KCNQ1: variants seen among roughly 807,000 people sequenced by gnomAD.
KCNQ1 encodes the protein potassium voltage-gated channel subfamily Q member 1.
In KCNQ1, 49 loss-of-function variants were observed where a neutral mutation model predicts 72.4. The observed-to-expected ratio is 0.68, with a 90% CI of 0.54 to 0.86. KCNQ1 has a LOEUF of 0.86. Ranked by LOEUF, KCNQ1 falls within the 40% of genes least tolerant of loss-of-function variation. The pLI is 0.00. For missense variants in KCNQ1, 790 were observed against 945.1 expected (o/e 0.84, Z 2.15); for synonymous variants, 450 against 412.6 (o/e 1.09, Z -1.10).
At chr11:2,833,308 A>G (rs937232805) in intron 15 of KCNQ1, among the ~76,000 whole-genome samples, 3 of 152,178 alleles carry the variant, frequency 2.0e-5, no homozygotes, top group African/African-American at 7.2e-5. Context: ...CAGGGCAGCC[A>G]AGCCGGGCCA....
chr11:2,492,741 T>A lies in KCNQ1; in HGVS notation c.387-35187T>A, dbSNP rs1846856418. 6.6e-6 allele frequency among the ~76,000 whole-genome samples: 1 copy of A among 152,234 alleles called. No homozygotes were observed. Among genetic ancestry groups the A allele is most frequent in the Non-Finnish European group, 1.5e-5 (1 of 68,038 alleles). On this transcript the variant is annotated intron_variant, in intron 1 of 15. Coordinates refer to ENST00000155840, the MANE Select transcript of KCNQ1 (RefSeq NM_000218.3). This position sits in a 1 kb window ranked among gnomAD's most constrained non-coding sequence, Gnocchi z 4.1. ...GTGTATATGTGCCACATTTTCTTTA[T>A]CCAGCCTATCATTGATGGGCATTTG...
At chr11:2,744,153 A>G (rs1473882998) in intron 11 of KCNQ1, among the ~76,000 whole-genome samples, 1 of 152,224 alleles carries the variant, frequency 6.6e-6, no homozygotes, top group African/African-American at 2.4e-5. Context: ...TAAAAAGTCA[A>G]ACTTAAAAAG....
At chr11:2,629,893 T>A (rs1376777394) in intron 10 of KCNQ1, 1 of 398,116 alleles carries the variant, frequency 2.5e-6, no homozygotes, top group Non-Finnish European at 4.4e-6. Flanking sequence ...CTTCCTTCTT[T>A]CTGATTTGAG....
At chr11:2,839,345 T>A (rs988230921) in intron 15 of KCNQ1, among the ~76,000 whole-genome samples, 7 of 152,184 alleles carry the variant, frequency 4.6e-5, no homozygotes, top group African/African-American at 1.7e-4. Flanking sequence ...ATGACCTCTG[T>A]CCCCACCCTG....
chr11:2,634,246 T>C, intron 10 of KCNQ1: 1 of 385,844 alleles, frequency 2.6e-6, no homozygotes. Flanking sequence ...TGTATACATG[T>C]GCCATGTTGG....
chr11:2,834,893 G>T (rs1234650400), intron 15 of KCNQ1, among the ~76,000 whole-genome samples: 1 of 152,208 alleles, frequency 6.6e-6, no homozygotes, highest in African/African-American at 2.4e-5. Flanking sequence ...GGCTCCTGCA[G>T]ATGCCAGGAA....
At chr11:2,718,033 T>C (rs1159321924) in intron 11 of KCNQ1, among the ~76,000 whole-genome samples, 2 of 152,216 alleles carry the variant, frequency 1.3e-5, no homozygotes, top group African/African-American at 4.8e-5. Flanking sequence ...GTTTTGTTGA[T>C]GGGTGTAGTC....
chr11:2,586,717 A>C (rs1848597253), intron 8 of KCNQ1, among the ~76,000 whole-genome samples: 1 of 152,040 alleles, frequency 6.6e-6, no homozygotes, highest in African/African-American at 2.4e-5. Flanking sequence ...TGGGTGCTGG[A>C]TGGGAGTGAG....
chr11:2,817,201 C>T lies in KCNQ1; in HGVS notation c.1795-30566C>T, dbSNP rs1244024745. On this transcript the variant is annotated intron_variant, in intron 15 of 15. Transcript: ENST00000155840. This position sits in a 1 kb window ranked among gnomAD's most constrained non-coding sequence, Gnocchi z 6.1. ...TTAACGGTGCAAGCTCCTCACGGCA[C>T]CAGTGCGCTTGCCTTTGACATGAAA... 6.6e-6 allele frequency among the ~76,000 whole-genome samples: 1 copy of T among 152,360 alleles called. No individual in the cohort carries two copies. Among genetic ancestry groups the T allele is most frequent in the African/African-American group, 2.4e-5 (1 of 41,592 alleles).
In KCNQ1 at chr11:2,837,016, ACCCCAGCCGCAGAGAG is replaced by A. The variant is rs564408110; in HGVS notation, c.1795-10747_1795-10732del. Among the ~76,000 whole-genome samples, 10 of 152,126 alleles carry A rather than the reference ACCCCAGCCGCAGAGAG, an allele frequency of 6.6e-5. No homozygotes were observed. In the East Asian group the frequency reaches 1.9e-3, roughly 29 times the overall value. On this transcript the variant is annotated intron_variant, in intron 15 of 15. Transcript: ENST00000155840. Reference sequence around the variant, plus strand: ...ACAGAAAGGGTTCAGGAAGACAAGCACCCCAGCCGCAGAGAGCCCGTGGGCTGGGGGCACGGGGCAT... The same window carrying A: ...ACAGAAAGGGTTCAGGAAGACAAGCACCCGTGGGCTGGGGGCACGGGGCAT...
rs1564788327 is a variant in KCNQ1 at position 2,464,341 on chromosome 11, TA to T, written c.386+18862del. 6.6e-6 allele frequency among the ~76,000 whole-genome samples: 1 copy of T among 152,228 alleles called. No individual in the cohort carries two copies. Among genetic ancestry groups the T allele is most frequent in the Non-Finnish European group, 1.5e-5 (1 of 68,042 alleles). ...TTCTAATTAAAAATATATTGCTTTTTAAAAATAATAAAAGATCATTTAAATT... is the reference window on the plus strand; with the variant it reads ...TTCTAATTAAAAATATATTGCTTTTTAAAATAATAAAAGATCATTTAAATT... On this transcript the variant is annotated intron_variant, in intron 1 of 15. Transcript: ENST00000155840. The surrounding 1 kb of genome is among the most constrained non-coding windows in gnomAD (Gnocchi z 5.0).
At position 2,827,675 on chromosome 11, in the gene KCNQ1, T is replaced by C. The variant is rs1475979654; in HGVS notation, c.1795-20092T>C. On this transcript the variant is annotated intron_variant, in intron 15 of 15. Transcript: ENST00000155840. This position sits in a 1 kb window ranked among gnomAD's most constrained non-coding sequence, Gnocchi z 6.7. The stretch of plus-strand genomic sequence containing the variant: ...GGGGGAGAGCGGCTATGGAGACAAG[T>C]GGCTGTTTTGCCAGAGGGAAAATTC... 6.6e-6 allele frequency among the ~76,000 whole-genome samples: 1 copy of C among 150,406 alleles called. No individual in the cohort carries two copies. The highest frequency in any genetic ancestry group is 1.5e-5 in the Non-Finnish European group (1 of 67,744).
chr11:2,703,522 G>T lies in KCNQ1; in HGVS notation c.1514+41441G>T, dbSNP rs892664389. On this transcript the variant is annotated intron_variant, in intron 11 of 15. Transcript: ENST00000155840. This position sits in a 1 kb window ranked among gnomAD's most constrained non-coding sequence, Gnocchi z 6.4. ...GCACACACGCACTCACAGCTGAAGA[G>T]AATTAGGCTCAAAACGTCCACTCGG... is the stretch of plus-strand genomic sequence containing the variant. 1.3e-5 allele frequency among the ~76,000 whole-genome samples: 2 copies of T among 152,222 alleles called. No homozygotes were observed. The highest frequency in any genetic ancestry group is 4.8e-5 in the African/African-American group (2 of 41,466).
In KCNQ1 at chr11:2,785,059, T is replaced by G. The variant is rs142137000; in HGVS notation, c.1794+7022T>G. ...ACTGGCTTGAACTTCAAAAAAAATA[T>G]TGACTAGAAGTGCTAGAGCAGATCT... On this transcript the variant is annotated intron_variant, in intron 15 of 15. Coordinates refer to ENST00000155840, the MANE Select transcript of KCNQ1 (RefSeq NM_000218.3). The surrounding 1 kb of genome is among the most constrained non-coding windows in gnomAD (Gnocchi z 4.4). Among the ~76,000 whole-genome samples, 2 of 152,046 alleles carry G rather than the reference T, an allele frequency of 1.3e-5. No homozygotes were observed. The highest frequency in any genetic ancestry group is 4.1e-4 in the South Asian group (2 of 4,836).
chr11:2,844,960 G>A (rs1220401853), intron 15 of KCNQ1, among the ~76,000 whole-genome samples: 2 of 152,186 alleles, frequency 1.3e-5, no homozygotes, highest in Non-Finnish European at 2.9e-5. Context: ...TGAGCCCTAG[G>A]ACACAAGCCC....
intron 1 of KCNQ1, among the ~76,000 whole-genome samples, chr11:2,490,288 C>T (rs1353734365): frequency 6.6e-6 from 1 of 152,236 alleles, no homozygotes; most frequent in Non-Finnish European, 1.5e-5. Flanking sequence ...TTTCTAAGGT[C>T]TTTGACTACA....
chr11:2,466,034 G>A (rs1445771263), intron 1 of KCNQ1, among the ~76,000 whole-genome samples: 1 of 152,202 alleles, frequency 6.6e-6, no homozygotes. Flanking sequence ...GAGTGTTCTC[G>A]GGCTGGCTAT....
intron 15 of KCNQ1, among the ~76,000 whole-genome samples, chr11:2,792,766 G>A (rs1278737996): frequency 3.9e-5 from 6 of 152,172 alleles, no homozygotes; most frequent in Non-Finnish European, 8.8e-5. Context: ...GGAGATGGGG[G>A]CTTGGGGCCC....
chr11:2,570,650 T>A lies in KCNQ1; in HGVS notation c.500T>A (p.Phe167Tyr). The A allele has an allele frequency of 6.2e-7, 1 of 1,612,718 alleles. No individual in the cohort carries two copies. The highest frequency in any genetic ancestry group is 8.5e-7 in the Non-Finnish European group (1 of 1,179,972). Residue 167 changes from phenylalanine to tyrosine, a missense_variant, in exon 3 of 16, where the codon TTC (phenylalanine) becomes TAC (tyrosine). Around this residue, in one of 5 missense-constraint regions of KCNQ1, gnomAD observed 294 missense variants for 323.3 expected, o/e 0.91. Transcript: ENST00000155840. ...CAGGAGATCGTGCTGGTGGTGTTCT[T>A]CGGGACGGAGTACGTGGTCCGCCTC... ...FWMEIVLVVF[F>Y]GTEYVVRLWS...
Sources: allele counts gnomAD v4.1 joint callset (sites outside exome capture counted in the v4.1 genomes callset), GRCh38; gene constraint gnomAD v4.1.1; regional missense constraint gnomAD v4.1.1; non-coding constraint Gnocchi (gnomAD v3.1); transcripts MANE v1.5; gene names NCBI Gene and HGNC (gene_info 2026-07-23, HGNC 2026-07-21).